The following DENND2B variants were observed in gnomAD, a reference collection of about 807,000 sequenced individuals.
DENND2B encodes DENN domain containing 2B.
In DENND2B, 32 loss-of-function variants were observed where a neutral mutation model predicts 116.0. The ratio of observed to expected loss-of-function variants is 0.28; its 90% confidence interval spans 0.21 to 0.37. The LOEUF (loss-of-function observed/expected upper bound fraction) is 0.37. DENND2B is among the 10% of genes least tolerant of loss of function. The pLI is 1.00. For missense variants in DENND2B, 1,276 were observed against 1,477.7 expected, an observed-to-expected ratio of 0.86 and a Z score of 2.24; for synonymous variants, 588 against 583.9, an observed-to-expected ratio of 1.01 and a Z score of -0.10.
chr11:8,756,331 G>T (rs75556292), intron 1 of DENND2B, among the ~76,000 whole-genome samples: 1 of 152,320 alleles, frequency 6.6e-6, no homozygotes, highest in South Asian at 2.1e-4. Flanking sequence ...CTAAGAAAGA[G>T]AAATGTAGTT....
At chr11:8,779,081 C>T (rs753751843) in intron 1 of DENND2B, among the ~76,000 whole-genome samples, 6 of 152,192 alleles carry the variant, frequency 3.9e-5, no homozygotes, top group Non-Finnish European at 7.3e-5. Flanking sequence ...AGCTCACAGA[C>T]GAATGTAGGG....
chr11:8,714,772 G>T, intron 6 of DENND2B, 66 bp from the exon 7 acceptor site: 1 of 1,362,768 alleles, frequency 7.3e-7, no homozygotes. Flanking sequence ...CAAGAAGGCT[G>T]AGTAGGAGCC....
intron 3 of DENND2B, among the ~76,000 whole-genome samples, chr11:8,854,741 C>G (rs1415055695): frequency 6.6e-6 from 1 of 152,028 alleles, no homozygotes. Context: ...CAGACAGAGT[C>G]TCACTCTGCC....
intron 1 of DENND2B, among the ~76,000 whole-genome samples, chr11:8,755,169 G>A (rs1026830007): frequency 3.3e-5 from 5 of 152,138 alleles, no homozygotes; most frequent in East Asian, 1.9e-4. Context: ...CCACCATCAC[G>A]GAAGCTGAAC....
chr11:8,795,873 A>G (rs2059768951), intron 1 of DENND2B, among the ~76,000 whole-genome samples: 1 of 152,164 alleles, frequency 6.6e-6, no homozygotes, highest in African/African-American at 2.4e-5. Flanking sequence ...TGACCATTCA[A>G]TGTCTGCTCA....
At chr11:8,777,507 A>G (rs1007436081) in intron 1 of DENND2B, among the ~76,000 whole-genome samples, 2 of 152,214 alleles carry the variant, frequency 1.3e-5, no homozygotes, top group African/African-American at 4.8e-5. Context: ...CCTGTTGGAC[A>G]TTCCTTAGGC....
intron 19 of DENND2B, chr11:8,694,620 G>C: frequency 2.2e-6 from 1 of 456,460 alleles, no homozygotes; most frequent in Non-Finnish European, 4.4e-6. Context: ...CCATATCCAT[G>C]AGTTCTGCGT....
At chr11:8,899,258 C>T (rs2064136922) in intron 1 of DENND2B, among the ~76,000 whole-genome samples, 1 of 151,180 alleles carries the variant, frequency 6.6e-6, no homozygotes, top group Admixed American at 6.6e-5. Context: ...AGGAGAGTCC[C>T]AGAAAAAGAA....
At chr11:8,747,898 G>T (rs2134027288) in intron 2 of DENND2B, among the ~76,000 whole-genome samples, 1 of 152,276 alleles carries the variant, frequency 6.6e-6, no homozygotes, top group East Asian at 1.9e-4. Flanking sequence ...GGAATCCAGG[G>T]TCTTTAACCC....
intron 2 of DENND2B, among the ~76,000 whole-genome samples, chr11:8,734,122 T>C (rs1377277273): frequency 1.3e-5 from 2 of 152,192 alleles, no homozygotes; most frequent in African/African-American, 2.4e-5. Context: ...GGCCCTGCCC[T>C]CCTGGGGTGA....
At chr11:8,709,148 G>A (rs1356413182) in intron 11 of DENND2B, among the ~76,000 whole-genome samples, 1 of 152,172 alleles carries the variant, frequency 6.6e-6, no homozygotes, top group Admixed American at 6.5e-5. Context: ...ATGCAGATGG[G>A]GCTATTTCAG....
At position 8,693,794 on chromosome 11, in the gene DENND2B, G is replaced by A; in HGVS notation, c.*302C>T. 3.0e-6 allele frequency: 1 copy of A among 333,516 alleles called. No homozygotes were observed. Among genetic ancestry groups the A allele is most frequent in the Non-Finnish European group, 5.5e-6 (1 of 180,916 alleles). The allele number at this position is 333,516 out of a possible 1,614,324, so 20.7% of individuals were successfully genotyped here. ...ACAGTCAGCTGCACAAAACTGGCCA[G>A]TCACGAGCACCCAGCGAAACTTCAT... On this transcript the variant is annotated 3_prime_UTR_variant, in exon 20 of 20. Coordinates refer to ENST00000313726, the MANE Select transcript of DENND2B (RefSeq NM_213618.2).
chr11:8,808,081 G>C (rs978411321), intron 1 of DENND2B: 1 of 152,252 alleles, frequency 6.6e-6, no homozygotes, highest in Non-Finnish European at 1.5e-5. Context: ...TCTGCCCTTG[G>C]AATTCCCACT....
intron 9 of DENND2B, chr11:8,711,863 G>C (rs554886113): frequency 1.6e-5 from 6 of 374,468 alleles, no homozygotes; most frequent in African/African-American, 1.3e-4. Flanking sequence ...GCGAAACTCC[G>C]TCTCGAATAA....
intron 4 of DENND2B, among the ~76,000 whole-genome samples, chr11:8,821,134 AT>A (rs900613528): frequency 2.7e-5 from 4 of 148,678 alleles, no homozygotes; most frequent in African/African-American, 9.9e-5. Flanking sequence ...AAAAAAAAAA[AT>A]TAATTAATTA....
At chr11:8,816,820 T>C (rs2061584756) in intron 4 of DENND2B, among the ~76,000 whole-genome samples, 2 of 152,272 alleles carry the variant, frequency 1.3e-5, no homozygotes, top group South Asian at 4.1e-4. Context: ...TGCTTTTTCC[T>C]CCACATGAGA....
rs1055058667 is a variant in DENND2B at position 8,754,585 on chromosome 11, G to T, written c.-25-3860C>A. Among the ~76,000 whole-genome samples the T allele has an allele frequency of 2.0e-5, 3 of 152,174 alleles. No individual in the cohort carries two copies. In the South Asian group the frequency reaches 6.2e-4, roughly 31 times the overall value. ...CCCACTCCTAGGTATCTGTTCAGAA[G>T]AAATGAAAATATATGTCCACACAAT... On this transcript the variant is annotated intron_variant, in intron 1 of 19. Coordinates refer to ENST00000313726, the MANE Select transcript of DENND2B (RefSeq NM_213618.2).
intron 1 of DENND2B, among the ~76,000 whole-genome samples, chr11:8,791,391 G>C (rs2059363388): frequency 6.6e-6 from 1 of 152,120 alleles, no homozygotes; most frequent in Non-Finnish European, 1.5e-5. Context: ...ACAAAAAACA[G>C]GATTAGGAAT....
chr11:8,878,806 C>G (rs1270695732), intron 2 of DENND2B, among the ~76,000 whole-genome samples: 1 of 152,028 alleles, frequency 6.6e-6, no homozygotes, highest in Non-Finnish European at 1.5e-5. Context: ...TGAAAGAAGC[C>G]AGACCCAGAA....
Sources: gnomAD v4.1 joint callset for allele counts (sites outside exome capture counted in the v4.1 genomes callset) on GRCh38, gnomAD v4.1.1 for gene constraint, MANE v1.5 for transcripts, NCBI Gene and HGNC (gene_info 2026-07-23, HGNC 2026-07-21) for gene names.